The following OR2A12 variants were observed in gnomAD, a reference collection of about 807,000 sequenced individuals.
OR2A12 encodes the protein olfactory receptor family 2 subfamily A member 12, also known as olfactory receptor 2A12.
For synonymous variants in OR2A12, 153 were observed against 149.3 expected (o/e 1.02, Z -0.18); for missense variants, 380 against 372.5 (o/e 1.02, Z -0.17).
chr7:144,096,058 C>G lies in OR2A12; in HGVS notation c.*18C>G, dbSNP rs766537519. 1.3e-6 allele frequency: 2 copies of G among 1,541,278 alleles called. No homozygotes were observed. Among genetic ancestry groups the G allele is most frequent in the Non-Finnish European group, 1.8e-6 (2 of 1,137,376 alleles). Reference sequence around the variant, plus strand: ...CAATGTGAAGAATCATTTGAGATATCCTGAGTGTGTAAGCATGGTTCTCAT... The same window carrying G: ...CAATGTGAAGAATCATTTGAGATATGCTGAGTGTGTAAGCATGGTTCTCAT... On this transcript the variant is annotated 3_prime_UTR_variant, in exon 2 of 2. Transcript: ENST00000641592.
At chr7:144,087,119 G>A (rs143011491) in intron 1 of OR2A12, among the ~76,000 whole-genome samples, 9 of 152,258 alleles carry the variant, frequency 5.9e-5, no homozygotes, top group African/African-American at 1.9e-4. Flanking sequence ...ACAAATGAAG[G>A]AGGTGAAGCT....
At chr7:144,092,979 T>A (rs2051237257) in intron 1 of OR2A12, among the ~76,000 whole-genome samples, 1 of 152,118 alleles carries the variant, frequency 6.6e-6, no homozygotes. Context: ...CTACACACAG[T>A]GAAACGTAGA....
At chr7:144,091,686 G>T (rs542683105) in intron 1 of OR2A12, among the ~76,000 whole-genome samples, 2 of 151,908 alleles carry the variant, frequency 1.3e-5, no homozygotes, top group South Asian at 2.1e-4. Context: ...CATACCATTT[G>T]CTTACTTTTT....
chr7:144,095,524 G>A lies in OR2A12; in HGVS notation c.417G>A (p.Val139=), dbSNP rs777096212. The change falls in exon 2 of 2, where the codon GTG becomes GTA. Residue 139 remains valine, a synonymous_variant. Transcript: ENST00000641592. ...ACACCCTCATTATGAACTGGAGAGT[G>A]TGCACTGTCCTGGCCTCAACTTGCT... The part of the protein sequence containing the change: ...LQYTLIMNWR[V]CTVLASTCWI... 1.2e-6 allele frequency: 2 copies of A among 1,614,128 alleles called. No individual in the cohort carries two copies. The highest frequency in any genetic ancestry group is 1.7e-6 in the Non-Finnish European group (2 of 1,180,020).
chr7:144,092,630 CTT>C (rs2051234284), intron 1 of OR2A12, among the ~76,000 whole-genome samples: 1 of 151,900 alleles, frequency 6.6e-6, no homozygotes, highest in African/African-American at 2.4e-5. Flanking sequence ...CGATTTGGCT[CTT>C]GGCTTGACTG....
At chr7:144,089,504 A>C (rs1294688239) in intron 1 of OR2A12, among the ~76,000 whole-genome samples, 1 of 151,932 alleles carries the variant, frequency 6.6e-6, no homozygotes, top group African/African-American at 2.4e-5. Flanking sequence ...TAATGTGATA[A>C]TTTATATACA....
rs1361899600 is a variant in OR2A12, at chr7:144,098,863, A to T, written c.*2823A>T. On this transcript the variant is annotated 3_prime_UTR_variant, in exon 2 of 2. Coordinates refer to ENST00000641592, the MANE Select transcript of OR2A12 (RefSeq NM_001004135.2). The stretch of plus-strand genomic sequence containing the variant: ...CCTTCTACCACCAGGAAGGAAAGTT[A>T]TCAGGATCATTGAAGGAGGACTTTC... 6.6e-6 allele frequency: 1 copy of T among 152,162 alleles called. No individual in the cohort carries two copies. Among genetic ancestry groups the T allele is most frequent in the East Asian group, 1.9e-4 (1 of 5,194 alleles). The allele number at this position is 152,162 out of a possible 1,614,324, so 9.4% of individuals were successfully genotyped here. A position where few individuals can be genotyped will look rare whatever the true frequency, so the allele number is the denominator to read the frequency against.
At chr7:144,090,968 A>G (rs2051223419) in intron 1 of OR2A12, among the ~76,000 whole-genome samples, 1 of 152,162 alleles carries the variant, frequency 6.6e-6, no homozygotes, top group African/African-American at 2.4e-5. Context: ...TGTCTTTACT[A>G]TTACGAATAG....
At chr7:144,086,896 C>T (rs1212531184) in intron 1 of OR2A12, among the ~76,000 whole-genome samples, 1 of 152,154 alleles carries the variant, frequency 6.6e-6, no homozygotes, top group Non-Finnish European at 1.5e-5. Context: ...GCGAGAACAC[C>T]TTCACGGAGA....
rs1012558363 is a variant in OR2A12 at position 144,098,331 on chromosome 7, G to A, written c.*2291G>A. 9 of 152,138 alleles carry A rather than the reference G, an allele frequency of 5.9e-5. No homozygotes were observed. Among genetic ancestry groups the A allele is most frequent in the Admixed American group, 5.9e-4 (9 of 15,278 alleles). The allele number at this position is 152,138 out of a possible 1,614,324, so 9.4% of individuals were successfully genotyped here. A position where few individuals can be genotyped will look rare whatever the true frequency, so the allele number is the denominator to read the frequency against. ...CTGTGTCTCTAGTATCTAGAGCAGA[G>A]CTAGGTACAGAGAAGATTCTCAACA... On this transcript the variant is annotated 3_prime_UTR_variant, in exon 2 of 2. Transcript: ENST00000641592.
At chr7:144,090,368 T>C (rs950765589) in intron 1 of OR2A12, among the ~76,000 whole-genome samples, 2 of 151,548 alleles carry the variant, frequency 1.3e-5, no homozygotes, top group East Asian at 3.9e-4. Flanking sequence ...ATATGTATTA[T>C]AGACATATAT....
intron 1 of OR2A12, among the ~76,000 whole-genome samples, chr7:144,087,074 A>C (rs1029631402): frequency 6.6e-6 from 1 of 152,220 alleles, no homozygotes. Context: ...TGGAAGAGGC[A>C]TAAGAGTCAT....
chr7:144,087,625 C>A (rs1230128373), intron 1 of OR2A12, among the ~76,000 whole-genome samples: 1 of 152,106 alleles, frequency 6.6e-6, no homozygotes, highest in Non-Finnish European at 1.5e-5. Flanking sequence ...CCCTTTACAT[C>A]CATTTAAAGG....
chr7:144,097,748 G>A lies in OR2A12; in HGVS notation c.*1708G>A, dbSNP rs1354541016. The A allele has an allele frequency of 1.3e-5, 2 of 152,084 alleles. No individual in the cohort carries two copies. Among genetic ancestry groups the A allele is most frequent in the Non-Finnish European group, 2.9e-5 (2 of 68,008 alleles). The allele number at this position is 152,084 out of a possible 1,614,324, so 9.4% of individuals were successfully genotyped here. On this transcript the variant is annotated 3_prime_UTR_variant, in exon 2 of 2. Coordinates refer to ENST00000641592, the MANE Select transcript of OR2A12 (RefSeq NM_001004135.2). The stretch of plus-strand genomic sequence containing the variant: ...AGGTGTGGCATGGCATATCACTGGG[G>A]AATGAAAAAGCTTTGAAGTAAATGG...
chr7:144,096,170 A>G lies in OR2A12; in HGVS notation c.*130A>G, dbSNP rs2051263517. 5.4e-6 allele frequency: 4 copies of G among 743,598 alleles called. No individual in the cohort carries two copies. Among genetic ancestry groups the G allele is most frequent in the Non-Finnish European group, 8.6e-6 (4 of 464,686 alleles). 46.1% of individuals were successfully genotyped at this position (743,598 alleles called of 1,614,324 possible). On this transcript the variant is annotated 3_prime_UTR_variant, in exon 2 of 2. Transcript: ENST00000641592. ...CTTTAGACTTCTTATAAAAAGAGAA[A>G]CTGGCCTGGCGTGGTGGCTGAAGCC...
chr7:144,088,197 A>G (rs2051200444), intron 1 of OR2A12, among the ~76,000 whole-genome samples: 1 of 152,182 alleles, frequency 6.6e-6, no homozygotes, highest in Non-Finnish European at 1.5e-5. Flanking sequence ...TTTTTAGTAG[A>G]GACAGGGTTT....
intron 1 of OR2A12, among the ~76,000 whole-genome samples, chr7:144,088,685 C>G (rs747064427): frequency 2.0e-5 from 3 of 151,974 alleles, no homozygotes; most frequent in African/African-American, 7.3e-5. Context: ...GTACATTGAC[C>G]TTGAATCCAG....
At position 144,098,186 on chromosome 7, in the gene OR2A12, T is replaced by G. The variant is rs1203741084; in HGVS notation, c.*2146T>G. 1 of 152,202 alleles carries G rather than the reference T, an allele frequency of 6.6e-6. No homozygotes were observed. Among genetic ancestry groups the G allele is most frequent in the Non-Finnish European group, 1.5e-5 (1 of 68,038 alleles). The allele number at this position is 152,202 out of a possible 1,614,324, so 9.4% of individuals were successfully genotyped here. A position where few individuals can be genotyped will look rare whatever the true frequency, so the allele number is the denominator to read the frequency against. On this transcript the variant is annotated 3_prime_UTR_variant, in exon 2 of 2. Transcript: ENST00000641592. Reference sequence around the variant, plus strand: ...AATCATATCTCTTCAGTCTGTCTTTTTATGGCATTATTAAGTACTTGAAGT... The same window carrying G: ...AATCATATCTCTTCAGTCTGTCTTTGTATGGCATTATTAAGTACTTGAAGT...
rs1456737433 is a variant in OR2A12, at chr7:144,097,642, T to G, written c.*1602T>G. The G allele has an allele frequency of 1.3e-5, 2 of 152,166 alleles. No homozygotes were observed. The highest frequency in any genetic ancestry group is 4.8e-5 in the African/African-American group (2 of 41,434). 9.4% of individuals were successfully genotyped at this position (152,166 alleles called of 1,614,324 possible). On this transcript the variant is annotated 3_prime_UTR_variant, in exon 2 of 2. Coordinates refer to ENST00000641592, the MANE Select transcript of OR2A12 (RefSeq NM_001004135.2). Reference sequence around the variant, plus strand: ...CTAATAAACAGAACAGTGTGGTATTTATACACAGATAGACCAAAAAACAAA... The same window carrying G: ...CTAATAAACAGAACAGTGTGGTATTGATACACAGATAGACCAAAAAACAAA...
Sources: gnomAD v4.1 joint callset for allele counts (sites outside exome capture counted in the v4.1 genomes callset) on GRCh38, gnomAD v4.1.1 for gene constraint, MANE v1.5 for transcripts, NCBI Gene and HGNC (gene_info 2026-07-23, HGNC 2026-07-21) for gene names.